Variants in OPCML observed in about 807,000 individuals in gnomAD.
The protein encoded by OPCML is opioid binding protein/cell adhesion molecule like.
OPCML carries 13 observed loss-of-function variants against 37.8 expected under a neutral mutation model. The observed-to-expected ratio is 0.34, with a 90% confidence interval of 0.22 to 0.55. The LOEUF (loss-of-function observed/expected upper bound fraction) is 0.55. Among genes scored for constraint, OPCML ranks in the 20% least tolerant of loss-of-function variants. The probability of loss-of-function intolerance (pLI) is 0.91; values close to 1 mark genes in which losing one functional copy is unlikely to be tolerated. For missense variants in OPCML, 341 were observed against 435.6 expected, an observed-to-expected ratio of 0.78 and a Z score of 1.93; for synonymous variants, 176 against 168.8, an observed-to-expected ratio of 1.04 and a Z score of -0.33.
At chr11:132,853,847 C>T (rs779817310) in intron 2 of OPCML, among the ~76,000 whole-genome samples, 2 of 152,174 alleles carry the variant, frequency 1.3e-5, no homozygotes, top group Admixed American at 6.5e-5. Context: ...AGACTTAATA[C>T]TTCATCACCA....
intron 4 of OPCML, among the ~76,000 whole-genome samples, chr11:132,520,095 A>G (rs931408069): frequency 5.9e-5 from 9 of 152,194 alleles, no homozygotes; most frequent in Non-Finnish European, 1.0e-4. Context: ...CTAGAAAGAG[A>G]CTAGACATAG....
intron 2 of OPCML, among the ~76,000 whole-genome samples, chr11:132,785,056 C>A (rs1022836924): frequency 3.9e-5 from 6 of 152,322 alleles, no homozygotes; most frequent in Admixed American, 2.6e-4. Flanking sequence ...AGGTTACACA[C>A]TATTTTGACA....
At chr11:132,990,028 T>G (rs113989813) in intron 1 of OPCML, among the ~76,000 whole-genome samples, 1,765 of 152,196 alleles carry the variant, frequency 0.012, 31 homozygotes, top group African/African-American at 0.041. Context: ...GTTCACTGAA[T>G]CCCAAGACTC....
chr11:133,193,147 A>G (rs1938392888), intron 1 of OPCML, among the ~76,000 whole-genome samples: 1 of 152,126 alleles, frequency 6.6e-6, no homozygotes, highest in African/African-American at 2.4e-5. Flanking sequence ...TAAACTGTGC[A>G]TGAGAGAGCC....
rs7129182 is a variant in OPCML, at chr11:133,041,351, A to T, written c.62-98341T>A. Among the ~76,000 whole-genome samples, 1,519 of 152,296 alleles carry T rather than the reference A, an allele frequency of 1.0e-2. 20 individuals are homozygous for T. Among genetic ancestry groups the T allele is most frequent in the African/African-American group, 0.034 (1,394 of 41,554 alleles). Reference sequence around the variant, plus strand: ...GCATCATGTTATTAATATTGATTGAATCAACTTTCAAACAGCAGTGACACC... The same window carrying T: ...GCATCATGTTATTAATATTGATTGATTCAACTTTCAAACAGCAGTGACACC... On this transcript the variant is annotated intron_variant, in intron 1 of 7. Transcript: ENST00000524381.
Position 132,715,999 on chromosome 11 carries a change from G to A in OPCML, c.147-58680C>T, listed in dbSNP as rs115367806. Among the ~76,000 whole-genome samples, 42 of 152,232 alleles carry A rather than the reference G, an allele frequency of 2.8e-4. 1 individual carries two copies. The South Asian group carries it at 3.7e-3, about 14-fold the overall frequency. The stretch of plus-strand genomic sequence containing the variant: ...TTTATGTTTCTTAGAAAAAAAATTC[G>A]GTGCCAATTAATTTTCAGAAATCTA... On this transcript the variant is annotated intron_variant, in intron 2 of 7. Transcript: ENST00000524381.
intron 1 of OPCML, among the ~76,000 whole-genome samples, chr11:133,078,758 A>AGGGC (rs1291314445): frequency 1.3e-5 from 2 of 152,114 alleles, no homozygotes; most frequent in African/African-American, 4.8e-5. Flanking sequence ...CAGGCACAAG[A>AGGGC]GGGCGCTCCG....
intron 2 of OPCML, among the ~76,000 whole-genome samples, chr11:132,666,279 A>G (rs1942212101): frequency 6.6e-6 from 1 of 152,212 alleles, no homozygotes; most frequent in South Asian, 2.1e-4. Context: ...GCAGAAGGGA[A>G]AGGGGAGTTG....
chr11:133,335,651 C>T (rs1015892823), intron 1 of OPCML, among the ~76,000 whole-genome samples: 6 of 152,154 alleles, frequency 3.9e-5, no homozygotes, highest in East Asian at 3.9e-4. Context: ...ACACTGGAAT[C>T]GCCTCCTCCA....
intron 2 of OPCML, among the ~76,000 whole-genome samples, chr11:132,878,592 C>T (rs1008500139): frequency 6.6e-6 from 1 of 152,084 alleles, no homozygotes; most frequent in Non-Finnish European, 1.5e-5. Flanking sequence ...TCCATTAATT[C>T]TTATGATAAA....
intron 3 of OPCML, among the ~76,000 whole-genome samples, chr11:132,600,167 C>A (rs1473695886): frequency 6.6e-6 from 1 of 152,144 alleles, no homozygotes. Flanking sequence ...TGCTCCCATG[C>A]CATAATTTGG....
intron 2 of OPCML, among the ~76,000 whole-genome samples, chr11:132,773,588 A>G (rs565137400): frequency 6.6e-6 from 1 of 152,268 alleles, no homozygotes; most frequent in South Asian, 2.1e-4. Flanking sequence ...ATTAACCTTC[A>G]CATTGGTAAA....
intron 1 of OPCML, among the ~76,000 whole-genome samples, chr11:133,271,393 CT>C (rs1272842661): frequency 1.3e-5 from 2 of 152,126 alleles, no homozygotes; most frequent in African/African-American, 4.8e-5. Flanking sequence ...TAGATGTTGT[CT>C]GAATCTAAAC....
chr11:133,392,571 G>A (rs982120933), intron 1 of OPCML, among the ~76,000 whole-genome samples: 3 of 152,184 alleles, frequency 2.0e-5, no homozygotes, highest in African/African-American at 7.2e-5. Flanking sequence ...GGGGACCTGA[G>A]CCCCAGCCTG....
chr11:133,007,541 G>T (rs188712191), intron 1 of OPCML: 28 of 985,360 alleles, frequency 2.8e-5, no homozygotes, highest in Non-Finnish European at 3.4e-5. Context: ...GTGGGGAACT[G>T]AGCATTCAAA....
intron 3 of OPCML, among the ~76,000 whole-genome samples, chr11:132,642,358 T>C (rs890210936): frequency 6.6e-6 from 1 of 152,116 alleles, no homozygotes; most frequent in Admixed American, 6.6e-5. Flanking sequence ...GACAACAATA[T>C]CAAAACTAGT....
chr11:133,175,817 A>G (rs996478153), intron 1 of OPCML, among the ~76,000 whole-genome samples: 2 of 152,160 alleles, frequency 1.3e-5, no homozygotes, highest in African/African-American at 4.8e-5. Context: ...ACCTCAGTGA[A>G]ACACAAGCAA....
At chr11:132,939,263 G>C (rs777279085) in intron 2 of OPCML, among the ~76,000 whole-genome samples, 3 of 152,154 alleles carry the variant, frequency 2.0e-5, no homozygotes, top group Non-Finnish European at 4.4e-5. Flanking sequence ...TTTAGCTTTG[G>C]AAACTCTACT....
chr11:132,927,020 A>T (rs1945018943), intron 2 of OPCML, among the ~76,000 whole-genome samples: 1 of 152,154 alleles, frequency 6.6e-6, no homozygotes, highest in South Asian at 2.1e-4. Context: ...AGATTAAAGA[A>T]AGAAGAAATG....
Sources: allele counts gnomAD v4.1 joint callset (sites outside exome capture counted in the v4.1 genomes callset), GRCh38; gene constraint gnomAD v4.1.1; transcripts MANE v1.5; gene names NCBI Gene and HGNC (gene_info 2026-07-23, HGNC 2026-07-21).